Variants in GPC3 observed in about 807,000 individuals in gnomAD.
GPC3 encodes glypican 3, also known as glypican-3.
In GPC3, 3 loss-of-function variants were observed where a neutral mutation model predicts 34.4. That is an observed-to-expected ratio of 0.09 (90% CI 0.04 to 0.23). The LOEUF (loss-of-function observed/expected upper bound fraction) is 0.23, where lower values mean the gene tolerates loss of function less well. GPC3 is among the 10% of genes least tolerant of loss of function. GPC3 has a pLI of 1.00. For synonymous variants in GPC3, 177 were observed against 174.0 expected (o/e 1.02, Z -0.13); for missense variants, 351 against 445.6 (o/e 0.79, Z 1.91).
chrX:133,946,017 A>G (rs1406418277), intron 2 of GPC3, among the ~76,000 whole-genome samples: 1 of 112,134 alleles, frequency 8.9e-6, no homozygotes, highest in African/African-American at 3.2e-5. Context: ...CTTGCACCCA[A>G]GTTATTTGTA....
intron 2 of GPC3, among the ~76,000 whole-genome samples, chrX:133,876,044 T>C (rs1404164073): frequency 8.9e-6 from 1 of 111,932 alleles, no homozygotes; most frequent in Non-Finnish European, 1.9e-5. Context: ...AGATCTTTAT[T>C]ACTAAAGCCA....
intron 2 of GPC3, among the ~76,000 whole-genome samples, chrX:133,771,089 G>A (rs962415978): frequency 9.0e-6 from 1 of 111,342 alleles, no homozygotes; most frequent in African/African-American, 3.3e-5. Flanking sequence ...GTCTGCTCTC[G>A]GTACACTGAC....
intron 2 of GPC3, among the ~76,000 whole-genome samples, chrX:133,889,356 C>G (rs141896185): frequency 0.011 from 1,222 of 112,517 alleles, 20 homozygotes; most frequent in African/African-American, 0.037. Flanking sequence ...ATTCCACTTC[C>G]AATCACTTCC....
intron 6 of GPC3, among the ~76,000 whole-genome samples, chrX:133,649,294 G>GTGTA (rs1556221332): frequency 9.4e-6 from 1 of 105,852 alleles, no homozygotes; most frequent in African/African-American, 3.4e-5. Context: ...GTGTGTGTGT[G>GTGTA]TATTTTACTT....
chrX:133,773,009 T>C (rs919859133), intron 2 of GPC3, among the ~76,000 whole-genome samples: 4 of 111,442 alleles, frequency 3.6e-5, no homozygotes, highest in Non-Finnish European at 5.6e-5. Flanking sequence ...GCATATTCAC[T>C]GTTACTGAAA....
chrX:133,546,491 G>A (rs1490387397), intron 7 of GPC3, among the ~76,000 whole-genome samples: 2 of 110,897 alleles, frequency 1.8e-5, no homozygotes, highest in African/African-American at 6.5e-5. Context: ...TATATGAAAT[G>A]TCCAGCATAA....
intron 5 of GPC3, among the ~76,000 whole-genome samples, chrX:133,672,740 T>C (rs1181471793): frequency 1.8e-5 from 2 of 111,386 alleles, no homozygotes; most frequent in Non-Finnish European, 1.9e-5. Context: ...AAGCTCTGCC[T>C]CCTGGGTTCA....
At chrX:133,788,756 C>G (rs1347156304) in intron 2 of GPC3, among the ~76,000 whole-genome samples, 2 of 101,385 alleles carry the variant, frequency 2.0e-5, no homozygotes, top group Non-Finnish European at 4.0e-5. Context: ...CCTCCTCCCC[C>G]CCTTCCTTTT....
rs779296674 is a variant in GPC3, at chrX:133,573,627, T to C, written c.1573+22813A>G. 1.1e-4 allele frequency among the ~76,000 whole-genome samples: 12 copies of C among 111,825 alleles called. No individual in the cohort carries two copies. The East Asian group carries it at 3.1e-3, about 29-fold the overall frequency. On this transcript the variant is annotated intron_variant, in intron 7 of 7. Coordinates refer to ENST00000370818, the MANE Select transcript of GPC3 (RefSeq NM_004484.4). The stretch of plus-strand genomic sequence containing the variant: ...AAATCAAATATATATAGACTTGCAA[T>C]AAACTCTGAAAATTAAATTAGAAAA...
intron 2 of GPC3, among the ~76,000 whole-genome samples, chrX:133,756,289 A>G (rs1569426805): frequency 8.9e-6 from 1 of 112,397 alleles, no homozygotes; most frequent in Non-Finnish European, 1.9e-5. Context: ...TACAGCCAAT[A>G]CATATAGTCT....
chrX:133,670,706 A>G (rs1192501051), intron 5 of GPC3, among the ~76,000 whole-genome samples: 1 of 112,160 alleles, frequency 8.9e-6, no homozygotes, highest in East Asian at 2.8e-4. Context: ...GATAATTTAA[A>G]GAGCATAAAT....
At chrX:133,809,047 C>G (rs2075650970) in intron 2 of GPC3, among the ~76,000 whole-genome samples, 1 of 111,741 alleles carries the variant, frequency 8.9e-6, no homozygotes, top group Non-Finnish European at 1.9e-5. Flanking sequence ...GGAAAAGAGA[C>G]AGACAATGGA....
chrX:133,931,603 A>G (rs2076298581), intron 2 of GPC3, among the ~76,000 whole-genome samples: 1 of 111,808 alleles, frequency 8.9e-6, no homozygotes, highest in South Asian at 3.8e-4. Context: ...ATTTAACAGG[A>G]TTACTGCAGG....
chrX:133,946,785 C>T (rs1266248330), intron 2 of GPC3, among the ~76,000 whole-genome samples: 1 of 110,662 alleles, frequency 9.0e-6, no homozygotes, highest in African/African-American at 3.3e-5. Flanking sequence ...CAACTGAGAC[C>T]GATGGGGTCT....
intron 3 of GPC3, among the ~76,000 whole-genome samples, chrX:133,748,935 G>A (rs1158081630): frequency 9.0e-6 from 1 of 111,464 alleles, no homozygotes; most frequent in Non-Finnish European, 1.9e-5. Flanking sequence ...GCTCCCAAGG[G>A]AGCATCAGAA....
chrX:133,713,325 A>G (rs905103460), intron 3 of GPC3, among the ~76,000 whole-genome samples: 1 of 112,441 alleles, frequency 8.9e-6, no homozygotes, highest in African/African-American at 3.2e-5. Flanking sequence ...GCACTTTATC[A>G]TAAGTCAGGG....
At chrX:133,963,966 A>AC (rs765464715) in intron 1 of GPC3, among the ~76,000 whole-genome samples, 1 of 111,028 alleles carries the variant, frequency 9.0e-6, no homozygotes, top group East Asian at 2.9e-4. Context: ...GGACTCCTAC[A>AC]CTAGGTAGGA....
At chrX:133,897,837 ACT>A (rs1313574581) in intron 2 of GPC3, among the ~76,000 whole-genome samples, 1 of 111,932 alleles carries the variant, frequency 8.9e-6, no homozygotes, top group Non-Finnish European at 1.9e-5. Context: ...ACATTGAAAC[ACT>A]AAGTGGTACC....
intron 3 of GPC3, among the ~76,000 whole-genome samples, chrX:133,702,233 C>A (rs575620260): frequency 8.9e-6 from 1 of 111,867 alleles, no homozygotes; most frequent in Non-Finnish European, 1.9e-5. Flanking sequence ...CTGTGTATTA[C>A]CACTTTCTGT....
Sources: gnomAD v4.1 joint callset for allele counts (sites outside exome capture counted in the v4.1 genomes callset) on GRCh38, gnomAD v4.1.1 for gene constraint, MANE v1.5 for transcripts, NCBI Gene and HGNC (gene_info 2026-07-23, HGNC 2026-07-21) for gene names.